The following HTRA1 variants were observed in gnomAD, a reference collection of about 807,000 sequenced individuals.
HTRA1 encodes the protein serine protease HTRA1.
HTRA1 carries 26 observed loss-of-function variants against 49.7 expected under a neutral mutation model. The observed-to-expected ratio is 0.52, with a 90% confidence interval of 0.38 to 0.73. The LOEUF (loss-of-function observed/expected upper bound fraction) is 0.73. Ranked by LOEUF, HTRA1 falls within the 30% of genes least tolerant of loss-of-function variation. The probability of loss-of-function intolerance (pLI) is 0.00; values close to 1 mark genes in which losing one functional copy is unlikely to be tolerated. For missense variants in HTRA1, 561 were observed against 667.2 expected (o/e 0.84, Z 1.75); for synonymous variants, 291 against 286.9 (o/e 1.01, Z -0.14).
Position 122,510,608 on chromosome 10 carries a change from G to A in HTRA1, c.1178+455G>A, listed in dbSNP as rs149564443. Among the ~76,000 whole-genome samples, 970 of 152,282 alleles carry A rather than the reference G, an allele frequency of 6.4e-3. 9 individuals are homozygous for A. The highest frequency in any genetic ancestry group is 0.022 in the African/African-American group (910 of 41,552). ...CCAGGAATGCCAGGGCAGGTCCAGC[G>A]CAGGGAAGTGAATGACTGATGTGCT... On this transcript the variant is annotated intron_variant, in intron 7 of 8. Coordinates refer to ENST00000368984, the MANE Select transcript of HTRA1 (RefSeq NM_002775.5).
intron 3 of HTRA1, among the ~76,000 whole-genome samples, chr10:122,492,236 T>C (rs1049749229): frequency 3.9e-5 from 6 of 152,206 alleles, no homozygotes; most frequent in African/African-American, 1.4e-4. Context: ...GTGGGCCCAG[T>C]GACTAACTCG....
At chr10:122,469,592 C>G (rs1471900634) in intron 1 of HTRA1, among the ~76,000 whole-genome samples, 1 of 152,224 alleles carries the variant, frequency 6.6e-6, no homozygotes, top group African/African-American at 2.4e-5. Context: ...GCCACTGCCA[C>G]TGGGTGCTCT....
chr10:122,506,647 G>A lies in HTRA1; in HGVS notation c.778-44G>A. On this transcript the variant is annotated intron_variant, in intron 3 of 8. Transcript: ENST00000368984. The surrounding 1 kb of genome is among the most constrained non-coding windows in gnomAD (Gnocchi z 5.2). ...TGATATCTGTGCCTTTACCTATTTG[G>A]TTAAATTAAACCAACTCAGCAACGC... is the stretch of plus-strand genomic sequence containing the variant. 1 of 1,565,724 alleles carries A rather than the reference G, an allele frequency of 6.4e-7. No homozygotes were observed. The highest frequency in any genetic ancestry group is 8.7e-7 in the Non-Finnish European group (1 of 1,144,150).
rs774625064 is a variant in HTRA1, at chr10:122,490,995, C to T, written c.777+1369C>T. Among the ~76,000 whole-genome samples, 3 of 152,096 alleles carry T rather than the reference C, an allele frequency of 2.0e-5. No homozygotes were observed. Among genetic ancestry groups the T allele is most frequent in the East Asian group, 3.9e-4 (2 of 5,178 alleles). On this transcript the variant is annotated intron_variant, in intron 3 of 8. Coordinates refer to ENST00000368984, the MANE Select transcript of HTRA1 (RefSeq NM_002775.5). This position sits in a 1 kb window ranked among gnomAD's most constrained non-coding sequence, Gnocchi z 4.2. ...TCTGGGTAGATATAGGCTCTGTGCC[C>T]GGTGTGTGTAACTGGCCTTGAGTGA...
rs767401076 is a variant in HTRA1 at position 122,514,398 on chromosome 10, C to G, written c.*39C>G. On this transcript the variant is annotated 3_prime_UTR_variant, in exon 9 of 9. Coordinates refer to ENST00000368984, the MANE Select transcript of HTRA1 (RefSeq NM_002775.5). ...CTGGACTTCATGTTTCCCTCAAAGA[C>G]TCTCCCGTGGATGACGGATGAGGAC... 3 of 1,600,592 alleles carry G rather than the reference C, an allele frequency of 1.9e-6. No individual in the cohort carries two copies. The highest frequency in any genetic ancestry group is 8.6e-7 in the Non-Finnish European group (1 of 1,167,862).
At chr10:122,473,239 G>A (rs1299720302) in intron 1 of HTRA1, among the ~76,000 whole-genome samples, 2 of 152,130 alleles carry the variant, frequency 1.3e-5, no homozygotes, top group South Asian at 2.1e-4. Context: ...GGTGTTTGTC[G>A]GCTTGTCCTT....
intron 1 of HTRA1, among the ~76,000 whole-genome samples, chr10:122,479,901 T>C (rs545539297): frequency 6.6e-6 from 1 of 151,566 alleles, no homozygotes; most frequent in East Asian, 2.0e-4. Context: ...TAGCGTAGAG[T>C]GGGATTCTTG....
intron 3 of HTRA1, among the ~76,000 whole-genome samples, chr10:122,498,359 C>T (rs959736959): frequency 1.3e-5 from 2 of 152,182 alleles, no homozygotes; most frequent in Non-Finnish European, 2.9e-5. Flanking sequence ...CCGTTCTTCT[C>T]AGTCTGTATA....
At chr10:122,462,562 T>A (rs891881809) in intron 1 of HTRA1, among the ~76,000 whole-genome samples, 2 of 152,262 alleles carry the variant, frequency 1.3e-5, no homozygotes, top group Admixed American at 6.5e-5. Context: ...ATTTACGTCC[T>A]CCGTCCCCTT....
chr10:122,486,739 C>CAT (rs1554950423), intron 1 of HTRA1, among the ~76,000 whole-genome samples: 19 of 150,072 alleles, frequency 1.3e-4, no homozygotes, highest in African/African-American at 4.4e-4. Context: ...ATGAGAGAGG[C>CAT]GTGTGTGTGT....
chr10:122,514,594 C>G lies in HTRA1; in HGVS notation c.*235C>G. 1.9e-6 allele frequency: 1 copy of G among 531,680 alleles called. No individual in the cohort carries two copies. 32.9% of individuals were successfully genotyped at this position (531,680 alleles called of 1,614,324 possible). Reference sequence around the variant, plus strand: ...TTCTGTATCCTATGTATGCAGTGTGCTTTTTCTTGCCAGCTTGGGCCATTC... The same window carrying G: ...TTCTGTATCCTATGTATGCAGTGTGGTTTTTCTTGCCAGCTTGGGCCATTC... On this transcript the variant is annotated 3_prime_UTR_variant, in exon 9 of 9. Coordinates refer to ENST00000368984, the MANE Select transcript of HTRA1 (RefSeq NM_002775.5).
At position 122,514,258 on chromosome 10, in the gene HTRA1, G is replaced by A. The variant is rs1468686031; in HGVS notation, c.1342G>A (p.Val448Ile). Residue 448 changes from valine to isoleucine, a missense_variant, in exon 9 of 9, where the codon GTC becomes ATC. Around this residue, in one of 3 missense-constraint regions of HTRA1, gnomAD observed 179 missense variants for 173.4 expected, o/e 1.03. Transcript: ENST00000368984. ...NGQSVVSANDVSDVIKRESTL... is the reference protein window; with the variant it reads ...NGQSVVSANDISDVIKRESTL... ...ACAGTCCGTGGTCTCCGCCAATGAT[G>A]TCAGCGACGTCATTAAAAGGGAAAG... 1 of 1,614,108 alleles carries A rather than the reference G, an allele frequency of 6.2e-7. No homozygotes were observed. The highest frequency in any genetic ancestry group is 1.7e-5 in the Admixed American group (1 of 60,026).
rs193219566 is a variant in HTRA1, at chr10:122,486,059, C to T, written c.473-2843C>T. ...GGGACACACCAATTATTTGCAACTACCTGGAAACCTAGGAGGGTAGCAGAT... is the reference window on the plus strand; with the variant it reads ...GGGACACACCAATTATTTGCAACTATCTGGAAACCTAGGAGGGTAGCAGAT... On this transcript the variant is annotated intron_variant, in intron 1 of 8. Transcript: ENST00000368984. Among the ~76,000 whole-genome samples, 400 of 152,290 alleles carry T rather than the reference C, an allele frequency of 2.6e-3. 2 individuals carry two copies. The highest frequency in any genetic ancestry group is 9.4e-3 in the African/African-American group (390 of 41,560).
chr10:122,508,338 G>A (rs560698311), intron 5 of HTRA1, among the ~76,000 whole-genome samples: 7 of 152,364 alleles, frequency 4.6e-5, no homozygotes, highest in East Asian at 1.9e-4. Context: ...ACCTAAAGGA[G>A]TTTGAGCCTT....
intron 1 of HTRA1, among the ~76,000 whole-genome samples, chr10:122,474,414 C>T (rs558678819): frequency 6.6e-6 from 1 of 152,294 alleles, no homozygotes; most frequent in South Asian, 2.1e-4. Flanking sequence ...TACAGGGGCT[C>T]GTTCACCATC....
chr10:122,508,939 A>G (rs186604546), intron 6 of HTRA1, among the ~76,000 whole-genome samples, 169 bp downstream of exon 6: 91 of 152,356 alleles, frequency 6.0e-4, no homozygotes, highest in Middle Eastern at 3.4e-3. Context: ...AGAAGGTCAC[A>G]GACATTTCAC....
chr10:122,461,993 G>C lies in HTRA1; in HGVS notation c.341G>C (p.Ser114Thr), dbSNP rs2097481616. ...RAQAGLCVCA[S>T]SEPVCGSDAN... ...CAGGCCGGCCTCTGTGTGTGCGCCAGCAGCGAGCCGGTGTGCGGCAGCGAC... is the reference window on the plus strand; with the variant it reads ...CAGGCCGGCCTCTGTGTGTGCGCCACCAGCGAGCCGGTGTGCGGCAGCGAC... Residue 114 changes from serine (S) to threonine (T), a missense_variant, in exon 1 of 9, where the codon AGC becomes ACC. Coordinates refer to ENST00000368984, the MANE Select transcript of HTRA1 (RefSeq NM_002775.5). 6.6e-7 allele frequency: 1 copy of C among 1,526,556 alleles called. No homozygotes were observed. Among genetic ancestry groups the C allele is most frequent in the South Asian group, 1.2e-5 (1 of 83,308 alleles). The allele number at this position is 1,526,556 out of a possible 1,614,324, so 94.6% of individuals were successfully genotyped here. A position where few individuals can be genotyped will look rare whatever the true frequency, so the allele number is the denominator to read the frequency against.
In HTRA1 at chr10:122,488,971, C is replaced by A; in HGVS notation, c.542C>A (p.Pro181His). The part of the protein sequence containing the change: ...FIADVVEKIA[P>H]AVVHIELFRK... The stretch of plus-strand genomic sequence containing the variant: ...GCGGACGTGGTGGAGAAGATCGCCC[C>A]TGCCGTGGTTCATATCGAATTGTTT... Residue 181 changes from proline (P) to histidine (H), a missense_variant, in exon 2 of 9, where the codon CCT becomes CAT. By Grantham distance (77) the Pro-to-His change is moderately conservative. This residue lies in a region of HTRA1 where 271 missense variants were observed against 410.0 expected (regional missense o/e 0.66). Transcript: ENST00000368984. The A allele has an allele frequency of 1.2e-6, 2 of 1,614,056 alleles. No individual in the cohort carries two copies. Among genetic ancestry groups the A allele is most frequent in the Non-Finnish European group, 1.7e-6 (2 of 1,179,914 alleles).
At chr10:122,495,093 A>T (rs964028046) in intron 3 of HTRA1, among the ~76,000 whole-genome samples, 6 of 152,124 alleles carry the variant, frequency 3.9e-5, no homozygotes, top group African/African-American at 1.2e-4. Context: ...CTCGTCCAAA[A>T]GCGAATCAGA....
Sources: allele counts gnomAD v4.1 joint callset (sites outside exome capture counted in the v4.1 genomes callset), GRCh38; gene constraint gnomAD v4.1.1; regional missense constraint gnomAD v4.1.1; non-coding constraint Gnocchi (gnomAD v3.1); transcripts MANE v1.5; gene names NCBI Gene and HGNC (gene_info 2026-07-23, HGNC 2026-07-21).